Variants in GRIP1 observed in about 807,000 individuals in gnomAD.
GRIP1 encodes glutamate receptor-interacting protein 1.
In GRIP1, 45 loss-of-function variants were observed where a neutral mutation model predicts 129.9. The ratio of observed to expected loss-of-function variants is 0.35; its 90% CI spans 0.27 to 0.44. The LOEUF is 0.44. GRIP1 is among the 20% of genes least tolerant of loss of function. GRIP1 has a pLI of 1.00. For synonymous variants in GRIP1, 530 were observed against 520.8 expected, an observed-to-expected ratio of 1.02 and a Z score of -0.24; for missense variants, 1,196 against 1,396.8, an observed-to-expected ratio of 0.86 and a Z score of 2.29.
chr12:66,613,457 C>T (rs2064899564), intron 1 of GRIP1, among the ~76,000 whole-genome samples: 1 of 152,052 alleles, frequency 6.6e-6, no homozygotes, highest in South Asian at 2.1e-4. Flanking sequence ...CAGTTCAGTT[C>T]AGAATTTTAA....
At chr12:66,389,036 A>G (rs376254829) in intron 19 of GRIP1, among the ~76,000 whole-genome samples, 9 of 152,176 alleles carry the variant, frequency 5.9e-5, no homozygotes, top group Admixed American at 3.3e-4. Flanking sequence ...GAAGATGTGC[A>G]TTATGGAGTC....
At chr12:66,626,860 T>C (rs1368270711) in intron 1 of GRIP1, 1 of 152,478 alleles carries the variant, frequency 6.6e-6, no homozygotes, top group Admixed American at 6.5e-5. Flanking sequence ...AAACGAGAAC[T>C]TGGCACTGAT....
chr12:66,657,113 T>C (rs916948845), intron 1 of GRIP1, among the ~76,000 whole-genome samples: 10 of 152,328 alleles, frequency 6.6e-5, no homozygotes, highest in Non-Finnish European at 1.3e-4. Context: ...TTGCCAGTTA[T>C]AGGGAATTAA....
Position 66,578,232 on chromosome 12 carries a change from G to GTTTTTTTTTTTTTTTT in GRIP1, c.136+18599_136+18614dup, listed in dbSNP as rs547352236. On this transcript the variant is annotated intron_variant, in intron 2 of 24. Transcript: ENST00000359742. ...GCCTGACTAATATGGCAAAACCGCG[G>GTTTTTTTTTTTTTTTT]TTTTTTTTTTTTTTTTTGTAAAAAT... 3.6e-4 allele frequency among the ~76,000 whole-genome samples: 37 copies of GTTTTTTTTTTTTTTTT among 102,500 alleles called. 1 individual carries two copies. The highest frequency in any genetic ancestry group is 6.5e-4 in the East Asian group (2 of 3,060). The allele number at this position is 102,500 out of a possible 152,430, so 67.2% of individuals were successfully genotyped here. A position where few individuals can be genotyped will look rare whatever the true frequency, so the allele number is the denominator to read the frequency against.
intron 1 of GRIP1, among the ~76,000 whole-genome samples, chr12:66,728,428 C>G (rs1041503802): frequency 3.9e-5 from 6 of 152,136 alleles, no homozygotes; most frequent in Admixed American, 3.9e-4. Context: ...TGCTGCCAAA[C>G]TCTAAGATGG....
chr12:66,439,023 G>C (rs1482753011), intron 13 of GRIP1, among the ~76,000 whole-genome samples: 1 of 152,178 alleles, frequency 6.6e-6, no homozygotes, highest in African/African-American at 2.4e-5. Context: ...TAGATGGCCA[G>C]GGAAGGCTTC....
intron 1 of GRIP1, among the ~76,000 whole-genome samples, chr12:66,839,983 T>C (rs565133792): frequency 6.6e-6 from 1 of 152,288 alleles, no homozygotes; most frequent in South Asian, 2.1e-4. Context: ...GCAAATTCAA[T>C]AATTTAATCC....
chr12:66,802,958 CA>C (rs1252855922), intron 1 of GRIP1, among the ~76,000 whole-genome samples: 1 of 152,176 alleles, frequency 6.6e-6, no homozygotes, highest in Non-Finnish European at 1.5e-5. Context: ...ATTATTCAAG[CA>C]AATATCAAAT....
chr12:66,998,752 A>G (rs1426103745), intron 1 of GRIP1, among the ~76,000 whole-genome samples: 1 of 152,140 alleles, frequency 6.6e-6, no homozygotes, highest in African/African-American at 2.4e-5. Flanking sequence ...TTCTACAAAC[A>G]CCAACCTTTT....
At chr12:66,631,959 T>C (rs568154807) in intron 1 of GRIP1, among the ~76,000 whole-genome samples, 1 of 152,242 alleles carries the variant, frequency 6.6e-6, no homozygotes, top group East Asian at 1.9e-4. Context: ...GAAAATAACA[T>C]ATGTGGGACT....
chr12:66,999,599 A>G (rs2042521104), intron 1 of GRIP1, among the ~76,000 whole-genome samples: 1 of 152,178 alleles, frequency 6.6e-6, no homozygotes, highest in South Asian at 2.1e-4. Flanking sequence ...ATTAAAACCA[A>G]CTAGAAGTCA....
At chr12:66,655,039 CTCA>C (rs1330581558) in intron 1 of GRIP1, among the ~76,000 whole-genome samples, 1 of 152,136 alleles carries the variant, frequency 6.6e-6, no homozygotes, top group East Asian at 1.9e-4. Flanking sequence ...TGTTTAAACA[CTCA>C]TCATCAAGAT....
intron 15 of GRIP1, among the ~76,000 whole-genome samples, chr12:66,414,532 T>C (rs1299842287): frequency 1.3e-5 from 2 of 152,108 alleles, no homozygotes; most frequent in African/African-American, 4.8e-5. Context: ...AAGTAATTTA[T>C]AGATTCAATA....
At chr12:66,818,456 C>T (rs2039262819) in intron 1 of GRIP1, among the ~76,000 whole-genome samples, 1 of 152,064 alleles carries the variant, frequency 6.6e-6, no homozygotes, top group Admixed American at 6.5e-5. Flanking sequence ...AAAATGTCTG[C>T]CAAATACCCA....
At chr12:66,688,188 T>C (rs1448347132) in intron 1 of GRIP1, among the ~76,000 whole-genome samples, 1 of 152,194 alleles carries the variant, frequency 6.6e-6, no homozygotes, top group Non-Finnish European at 1.5e-5. Context: ...TGGAGTTGGA[T>C]TTCTGTCACT....
At chr12:66,521,546 C>A (rs1421678668) in intron 5 of GRIP1, among the ~76,000 whole-genome samples, 3 of 152,174 alleles carry the variant, frequency 2.0e-5, no homozygotes, top group African/African-American at 7.2e-5. Flanking sequence ...CAAATAGGAA[C>A]AGCTCCAGTC....
At chr12:66,980,625 G>C (rs1566104700) in intron 1 of GRIP1, among the ~76,000 whole-genome samples, 1 of 152,078 alleles carries the variant, frequency 6.6e-6, no homozygotes, top group African/African-American at 2.4e-5. Context: ...AAAAGAATAT[G>C]TATTACCTCA....
intron 5 of GRIP1, among the ~76,000 whole-genome samples, chr12:66,518,676 T>G (rs2060915581): frequency 6.6e-6 from 1 of 152,234 alleles, no homozygotes; most frequent in Non-Finnish European, 1.5e-5. Context: ...AGCGTCTGCA[T>G]GAAATGCACG....
chr12:66,476,864 G>C (rs2059631960), intron 7 of GRIP1, among the ~76,000 whole-genome samples: 1 of 152,160 alleles, frequency 6.6e-6, no homozygotes, highest in South Asian at 2.1e-4. Context: ...ATTAGGTATT[G>C]ATGGGACGTA....
Sources: gnomAD v4.1 joint callset for allele counts (sites outside exome capture counted in the v4.1 genomes callset) on GRCh38, gnomAD v4.1.1 for gene constraint, MANE v1.5 for transcripts, NCBI Gene and HGNC (gene_info 2026-07-23, HGNC 2026-07-21) for gene names.